The following GATA4 variants were observed in gnomAD, a reference collection of about 807,000 sequenced individuals.
GATA4 encodes transcription factor GATA-4.
GATA4 carries 7 observed loss-of-function variants against 37.9 expected under a neutral mutation model. The observed-to-expected ratio is 0.18, with a 90% CI of 0.11 to 0.35. The LOEUF is 0.35. Among genes scored for constraint, GATA4 ranks in the 10% least tolerant of loss-of-function variants. GATA4 has a pLI of 1.00. For synonymous variants in GATA4, 372 were observed against 292.6 expected, an observed-to-expected ratio of 1.27 and a Z score of -2.77; for missense variants, 647 against 653.0, an observed-to-expected ratio of 0.99 and a Z score of 0.10.
intron 1 of GATA4, chr8:11,681,499 G>A (rs865978865): frequency 2.5e-5 from 20 of 815,238 alleles, no homozygotes; most frequent in African/African-American, 3.6e-5. Context: ...TCGCGGGGGG[G>A]GGGGGGGGGA....
chr8:11,735,978 A>G (rs929052715), intron 2 of GATA4, among the ~76,000 whole-genome samples: 4 of 152,144 alleles, frequency 2.6e-5, no homozygotes, highest in Admixed American at 2.0e-4. Context: ...TGGTGCGATC[A>G]TAACTCGCTT....
chr8:11,735,607 G>A (rs1801414916), intron 2 of GATA4, among the ~76,000 whole-genome samples: 1 of 152,156 alleles, frequency 6.6e-6, no homozygotes, highest in Non-Finnish European at 1.5e-5. Flanking sequence ...TTATTGCCCA[G>A]GCTGGAGTGC....
At chr8:11,690,820 A>C (rs867656930), upstream of GATA4, among the ~76,000 whole-genome samples, 1 of 152,252 alleles carries the variant, frequency 6.6e-6, no homozygotes, top group Non-Finnish European at 1.5e-5. Flanking sequence ...CTAGTGAACT[A>C]TGATTGCACT....
chr8:11,758,371 G>C lies in GATA4; in HGVS notation c.1228G>C (p.Gly410Arg). 1 of 1,614,210 alleles carries C rather than the reference G, an allele frequency of 6.2e-7. No homozygotes were observed. Among genetic ancestry groups the C allele is most frequent in the Non-Finnish European group, 8.5e-7 (1 of 1,180,032 alleles). Residue 410 changes from glycine (G) to arginine (R), a missense_variant, in exon 7 of 7, where the codon GGC (glycine) becomes CGC (arginine). Around this residue, in one of 5 missense-constraint regions of GATA4, gnomAD observed 184 missense variants for 157.1 expected, o/e 1.17. Transcript: ENST00000532059. ...VLSALKLSPQ[G>R]YASPVSQSPQ... is the part of the protein sequence containing the mutation. ...CTCGGCCCTGAAGCTCTCCCCACAAGGCTATGCGTCTCCCGTCAGCCAGTC... is the reference window on the plus strand; with the variant it reads ...CTCGGCCCTGAAGCTCTCCCCACAACGCTATGCGTCTCCCGTCAGCCAGTC...
intron 2 of GATA4, among the ~76,000 whole-genome samples, chr8:11,744,550 C>A (rs993860814): frequency 6.6e-6 from 1 of 152,168 alleles, no homozygotes; most frequent in Non-Finnish European, 1.5e-5. Flanking sequence ...TGGTGCTTAC[C>A]GAGGTTCATA....
intron 1 of GATA4, chr8:11,683,089 T>C: frequency 1.0e-6 from 1 of 985,440 alleles, no homozygotes; most frequent in Non-Finnish European, 1.2e-6. Context: ...CCCAGCCTTC[T>C]CGCCGGATTG....
intron 1 of GATA4, among the ~76,000 whole-genome samples, chr8:11,687,510 ATTG>A (rs1375203557): frequency 6.6e-5 from 10 of 152,134 alleles, no homozygotes; most frequent in African/African-American, 2.2e-4. Flanking sequence ...GCAATGAATA[ATTG>A]TTGTGGTTTA....
intron 1 of GATA4, among the ~76,000 whole-genome samples, chr8:11,693,560 CACAGAG>C (rs1428305401): frequency 0.057 from 3,935 of 68,582 alleles, 79 homozygotes; most frequent in East Asian, 0.26. Context: ...CACACACACA[CACAGAG>C]AGAGAGAGAG....
chr8:11,716,219 A>G (rs576842998), intron 2 of GATA4, among the ~76,000 whole-genome samples: 1 of 152,328 alleles, frequency 6.6e-6, no homozygotes, highest in East Asian at 1.9e-4. Flanking sequence ...GAATGTGACT[A>G]TATTACCTAA....
chr8:11,697,708 C>T, intron 1 of GATA4: 1 of 985,472 alleles, frequency 1.0e-6, no homozygotes, highest in Non-Finnish European at 1.2e-6. Flanking sequence ...TTGGGCTTCG[C>T]GCTTCCTTGA....
In GATA4 at chr8:11,758,571, C is replaced by T. The variant is rs1802726994; in HGVS notation, c.*96C>T. On this transcript the variant is annotated 3_prime_UTR_variant, in exon 7 of 7. Coordinates refer to ENST00000532059, the MANE Select transcript of GATA4 (RefSeq NM_001308093.3). ...GGCTCCCAGGGGCCGGCCTCCTCTG[C>T]CTGGTAATGACTCCAGAACAACAAC... is the stretch of plus-strand genomic sequence containing the variant. 8.5e-7 allele frequency: 1 copy of T among 1,177,668 alleles called. No homozygotes were observed. Among genetic ancestry groups the T allele is most frequent in the Non-Finnish European group, 1.3e-6 (1 of 788,644 alleles). 73.0% of individuals were successfully genotyped at this position (1,177,668 alleles called of 1,614,324 possible). A position where few individuals can be genotyped will look rare whatever the true frequency, so the allele number is the denominator to read the frequency against.
chr8:11,756,190 C>T (rs1174591372), intron 5 of GATA4, among the ~76,000 whole-genome samples: 4 of 152,124 alleles, frequency 2.6e-5, no homozygotes, highest in African/African-American at 9.7e-5. Flanking sequence ...ATCTTCTAAC[C>T]TAAGGCATGA....
intron 2 of GATA4, among the ~76,000 whole-genome samples, chr8:11,717,788 C>T (rs1002543396): frequency 6.6e-6 from 1 of 152,208 alleles, no homozygotes; most frequent in African/African-American, 2.4e-5. Flanking sequence ...CGGAATCTTC[C>T]GTATCATTCC....
intron 4 of GATA4, among the ~76,000 whole-genome samples, chr8:11,752,496 A>C (rs1165820466): frequency 1.3e-5 from 2 of 152,222 alleles, no homozygotes; most frequent in Non-Finnish European, 2.9e-5. Flanking sequence ...CTTACTCACT[A>C]TAGTGAGAAC....
At chr8:11,752,950 T>G (rs1415076271) in intron 4 of GATA4, among the ~76,000 whole-genome samples, 3 of 152,162 alleles carry the variant, frequency 2.0e-5, no homozygotes, top group African/African-American at 7.2e-5. Flanking sequence ...AATATGGGAA[T>G]GGTACAAGAA....
At chr8:11,720,817 A>G (rs978342687) in intron 2 of GATA4, among the ~76,000 whole-genome samples, 3 of 152,028 alleles carry the variant, frequency 2.0e-5, no homozygotes, top group African/African-American at 7.2e-5. Context: ...TTCTTATGCA[A>G]AGTGACCTCA....
upstream of GATA4, among the ~76,000 whole-genome samples, chr8:11,687,759 A>C (rs1799185398): frequency 6.6e-6 from 1 of 152,156 alleles, no homozygotes; most frequent in African/African-American, 2.4e-5. Flanking sequence ...TGTCTACATG[A>C]GCTGATATGT....
intron 1 of GATA4, among the ~76,000 whole-genome samples, chr8:11,677,912 C>G (rs1043177190): frequency 1.3e-5 from 2 of 151,962 alleles, no homozygotes; most frequent in Non-Finnish European, 1.5e-5. Context: ...GTTGCACACG[C>G]TTTTGCATAC....
intron 2 of GATA4, among the ~76,000 whole-genome samples, chr8:11,731,951 T>C (rs1296338481): frequency 6.6e-6 from 1 of 152,216 alleles, no homozygotes; most frequent in Non-Finnish European, 1.5e-5. Context: ...TGTTTCTCTT[T>C]GCCCAAGCCT....
Sources: gnomAD v4.1 joint callset for allele counts (sites outside exome capture counted in the v4.1 genomes callset) on GRCh38, gnomAD v4.1.1 for gene constraint, gnomAD v4.1.1 regional missense constraint, MANE v1.5 for transcripts, NCBI Gene and HGNC (gene_info 2026-07-23, HGNC 2026-07-21) for gene names.